TMEM82: variants seen among roughly 807,000 people sequenced by gnomAD.
TMEM82 encodes the protein transmembrane protein 82.
TMEM82 carries 30 observed loss-of-function variants against 29.2 expected under a neutral mutation model. The ratio of observed to expected loss-of-function variants is 1.03; its 90% CI spans 0.77 to 1.39. The LOEUF (loss-of-function observed/expected upper bound fraction) is 1.39, where lower values mean the gene tolerates loss of function less well. Ranked by LOEUF, TMEM82 falls within the 40% of genes most tolerant of loss-of-function variation. The pLI, the probability that TMEM82 is intolerant of heterozygous loss-of-function variation, is 0.00. For missense variants in TMEM82, 442 were observed against 447.7 expected (o/e 0.99, Z 0.12); for synonymous variants, 221 against 225.4 (o/e 0.98, Z 0.18).
Position 15,747,629 on chromosome 1 carries a change from T to G in TMEM82, c.1029T>G (p.Ser343=). ...SAPQSQSSAP[S] ...CCCAGTCCCAGAGTTCGGCCCCCTC[T>G]TGACCTGCCTCAGGGAGGATCTGGA... Residue 343 remains serine (S), a synonymous_variant, in exon 6 of 6, where the codon TCT becomes TCG. Coordinates refer to ENST00000375782, the MANE Select transcript of TMEM82 (RefSeq NM_001013641.3). The G allele has an allele frequency of 6.2e-7, 1 of 1,613,866 alleles. No individual in the cohort carries two copies. Among genetic ancestry groups the G allele is most frequent in the Non-Finnish European group, 8.5e-7 (1 of 1,179,830 alleles).
chr1:15,742,991 C>A, intron 2 of TMEM82, 29 bp from the exon 3 acceptor site: 2 of 1,601,532 alleles, frequency 1.2e-6, no homozygotes, highest in Non-Finnish European at 1.7e-6. Flanking sequence ...AGTTCTGCAC[C>A]CCTGCCCACA....
At chr1:15,746,815 G>T (rs1165167191) in intron 4 of TMEM82, 52 bp from the exon 5 acceptor site, 3 of 1,483,930 alleles carry the variant, frequency 2.0e-6, no homozygotes, top group African/African-American at 2.8e-5. Flanking sequence ...GGAGCAGGGA[G>T]GTCCAGTCCG....
rs536993039 is a variant in TMEM82, at chr1:15,744,222, C to A, written c.399C>A (p.Cys133Ter). 1.1e-5 allele frequency: 17 copies of A among 1,590,292 alleles called. No individual in the cohort carries two copies. The South Asian group carries it at 1.8e-4, about 17-fold the overall frequency. Reference sequence around the variant, plus strand: ...TGCTGTGCCAGTACTCGCTGGGCTGCGGGCTGACCTGTGGCCTGAGCTTCC... The same window carrying A: ...TGCTGTGCCAGTACTCGCTGGGCTGAGGGCTGACCTGTGGCCTGAGCTTCC... The part of the protein sequence containing the change: ...LYLLCQYSLG[C>*]GLTCGLSFLQ... Residue 133 changes from cysteine (C) to a stop codon, truncating the protein, a stop_gained, in exon 4 of 6, where the codon TGC becomes TGA. Transcript: ENST00000375782. LOFTEE classifies it high-confidence loss of function. This position sits in a 1 kb window ranked among gnomAD's most constrained non-coding sequence, Gnocchi z 5.2.
At position 15,746,841 on chromosome 1, in the gene TMEM82, C is replaced by T. The variant is rs372937876; in HGVS notation, c.758-26C>T. ...GTCCAGTCCGGGGTGTGTGGTCGGA[C>T]GGTGACAGGCACCCGCATCCCACAG... On this transcript the variant is annotated intron_variant, in intron 4 of 5. Coordinates refer to ENST00000375782, the MANE Select transcript of TMEM82 (RefSeq NM_001013641.3). The T allele has an allele frequency of 4.6e-5, 70 of 1,537,188 alleles. 1 individual carries two copies. The East Asian group carries it at 1.3e-3, about 29-fold the overall frequency.
At position 15,746,872 on chromosome 1, in the gene TMEM82, C is replaced by T; in HGVS notation, c.763C>T (p.Gln255Ter). The change falls in exon 5 of 6, where the codon CAG (glutamine) becomes TAG (stop). Residue 255 changes from glutamine to a stop codon, truncating the protein, a stop_gained. Coordinates refer to ENST00000375782, the MANE Select transcript of TMEM82 (RefSeq NM_001013641.3). LOFTEE classifies it high-confidence loss of function. ...TLLVIYMQEE[Q>*]RQHPGLQSQV... ...CAGGCACCCGCATCCCACAGAGGAG[C>T]AGCGGCAGCACCCCGGCCTGCAGAG... 2 of 1,577,306 alleles carry T rather than the reference C, an allele frequency of 1.3e-6. No individual in the cohort carries two copies. The highest frequency in any genetic ancestry group is 1.7e-6 in the Non-Finnish European group (2 of 1,167,598).
In TMEM82 at chr1:15,744,273, G is replaced by T; in HGVS notation, c.450G>T (p.Thr150=). Residue 150 remains threonine, a synonymous_variant, in exon 4 of 6, where the codon ACG becomes ACT. Coordinates refer to ENST00000375782, the MANE Select transcript of TMEM82 (RefSeq NM_001013641.3). The surrounding 1 kb of genome is among the most constrained non-coding windows in gnomAD (Gnocchi z 5.2). Reference sequence around the variant, plus strand: ...TGCAGGAGGGCGCCCCTCACCGCACGCTGAACCTGCTGCTGAGCCTCGGGC... The same window carrying T: ...TGCAGGAGGGCGCCCCTCACCGCACTCTGAACCTGCTGCTGAGCCTCGGGC... ...SFLQEGAPHR[T]LNLLLSLGLA... The T allele has an allele frequency of 6.4e-7, 1 of 1,558,882 alleles. No individual in the cohort carries two copies.
rs749458081 is a variant in TMEM82 at position 15,744,499 on chromosome 1, G to A, written c.676G>A (p.Asp226Asn). The stretch of plus-strand genomic sequence containing the variant: ...GGCAGCTGTGGCCCTCATCAACCAG[G>A]ACTTCCTGACCACCTCGGAGGCCAT... ...DLAAVALINQ[D>N]FLTTSEAMRF... is the part of the protein sequence containing the mutation. Residue 226 changes from aspartate to asparagine, a missense_variant, in exon 4 of 6, where the codon GAC becomes AAC. Coordinates refer to ENST00000375782, the MANE Select transcript of TMEM82 (RefSeq NM_001013641.3). The surrounding 1 kb of genome is among the most constrained non-coding windows in gnomAD (Gnocchi z 5.2). 3.1e-6 allele frequency: 5 copies of A among 1,612,430 alleles called. No homozygotes were observed. Among genetic ancestry groups the A allele is most frequent in the Non-Finnish European group, 3.4e-6 (4 of 1,179,854 alleles).
rs758364659 is a variant in TMEM82 at position 15,747,636 on chromosome 1, G to A, written c.*4G>A. The A allele has an allele frequency of 9.9e-6, 16 of 1,613,108 alleles. No homozygotes were observed. In the East Asian group the frequency reaches 2.7e-4, roughly 27 times the overall value. ...CCAGAGTTCGGCCCCCTCTTGACCT[G>A]CCTCAGGGAGGATCTGGAGTCTGTC... On this transcript the variant is annotated 3_prime_UTR_variant, in exon 6 of 6. Transcript: ENST00000375782.
In TMEM82 at chr1:15,747,664, A is replaced by C; in HGVS notation, c.*32A>C. ...TCAGGGAGGATCTGGAGTCTGTCTC[A>C]AGCCCACTAGCCTGATCTCCGAGGC... On this transcript the variant is annotated 3_prime_UTR_variant, in exon 6 of 6. Transcript: ENST00000375782. 1.9e-6 allele frequency: 3 copies of C among 1,591,396 alleles called. No homozygotes were observed. Among genetic ancestry groups the C allele is most frequent in the Non-Finnish European group, 2.6e-6 (3 of 1,160,322 alleles).
At chr1:15,743,681 T>C (rs999908106) in intron 3 of TMEM82, among the ~76,000 whole-genome samples, 1 of 152,112 alleles carries the variant, frequency 6.6e-6, no homozygotes, top group Non-Finnish European at 1.5e-5. Context: ...AGGCTGGGCG[T>C]GGTGGCTCAC....
At chr1:15,745,537 G>GAGAGAGAA (rs777304796) in intron 4 of TMEM82, among the ~76,000 whole-genome samples, 8 of 145,418 alleles carry the variant, frequency 5.5e-5, no homozygotes, top group East Asian at 4.0e-4. Context: ...GAGAGAAAGA[G>GAGAGAGAA]AGAGAGAAAG....
At position 15,744,559 on chromosome 1, in the gene TMEM82, CT is replaced by C; in HGVS notation, c.737del (p.Leu246ArgfsTer35). On this transcript the variant is annotated frameshift_variant, in exon 4 of 6. Coordinates refer to ENST00000375782, the MANE Select transcript of TMEM82 (RefSeq NM_001013641.3). LOFTEE classifies it high-confidence loss of function. The surrounding 1 kb of genome is among the most constrained non-coding windows in gnomAD (Gnocchi z 5.2). ...GACACCGCTCACCATCTGCTACACG[CT>C]GCTGGTCATCTACATGCAGGGTGAG... ...FWTPLTICYTLLVIYMQEEQR... is the reference protein window; with the variant it reads ...FWTPLTICYTXLVIYMQEEQR... The C allele has an allele frequency of 6.2e-7, 1 of 1,610,330 alleles. No individual in the cohort carries two copies. Among genetic ancestry groups the C allele is most frequent in the Non-Finnish European group, 8.5e-7 (1 of 1,178,474 alleles).
chr1:15,743,146 G>A lies in TMEM82; in HGVS notation c.288G>A (p.Val96=). ...GGTCCCGGGTGGCTGCCCTCGTGGTGCTCGAGTTCTCCCTCCGGGCCGTGT... is the reference window on the plus strand; with the variant it reads ...GGTCCCGGGTGGCTGCCCTCGTGGTACTCGAGTTCTCCCTCCGGGCCGTGT... The part of the protein sequence containing the change: ...VVGSRVAALV[V]LEFSLRAVST... The change falls in exon 3 of 6, where the codon GTG becomes GTA. Residue 96 remains valine, a synonymous_variant. Transcript: ENST00000375782. 1 of 1,611,460 alleles carries A rather than the reference G, an allele frequency of 6.2e-7. No homozygotes were observed. Among genetic ancestry groups the A allele is most frequent in the East Asian group, 2.2e-5 (1 of 44,868 alleles).
rs761074645 is a variant in TMEM82, at chr1:15,746,410, CAA to C, written c.758-439_758-438del. 6.8e-3 allele frequency among the ~76,000 whole-genome samples: 437 copies of C among 64,498 alleles called. 1 individual carries two copies. The highest frequency in any genetic ancestry group is 0.023 in the African/African-American group (390 of 17,196). The allele number at this position is 64,498 out of a possible 152,430, so 42.3% of individuals were successfully genotyped here. ...CCTGGGCGACAGAGTAAGACTGTCT[CAA>C]AAAAAAAAAAAAAAAAAGAACAGAA... On this transcript the variant is annotated intron_variant, in intron 4 of 5. Coordinates refer to ENST00000375782, the MANE Select transcript of TMEM82 (RefSeq NM_001013641.3).
chr1:15,747,148 T>G, intron 5 of TMEM82, 94 bp downstream of exon 5: 1 of 1,358,650 alleles, frequency 7.4e-7, no homozygotes, highest in Non-Finnish European at 1.0e-6. Flanking sequence ...AAGAGCCAGC[T>G]GGGCACGGTC....
At position 15,743,120 on chromosome 1, in the gene TMEM82, G is replaced by A. The variant is rs1195368553; in HGVS notation, c.262G>A (p.Gly88Arg). ...AGLALFLTVV[G>R]SRVAALVVLE... ...GCTGGCCCTGTTTCTGACGGTCGTG[G>A]GGTCCCGGGTGGCTGCCCTCGTGGT... Residue 88 changes from glycine (G) to arginine (R), a missense_variant, in exon 3 of 6, where the codon GGG becomes AGG. Gly to Arg is a moderately radical substitution (Grantham distance 125, BLOSUM62 -2). Transcript: ENST00000375782. 1 of 1,612,098 alleles carries A rather than the reference G, an allele frequency of 6.2e-7. No homozygotes were observed. The highest frequency in any genetic ancestry group is 8.5e-7 in the Non-Finnish European group (1 of 1,179,866).
intron 4 of TMEM82, among the ~76,000 whole-genome samples, chr1:15,745,543 GAA>G (rs1491109799): frequency 2.8e-4 from 24 of 85,884 alleles, no homozygotes; most frequent in African/African-American, 1.8e-3. Context: ...AAGAGAGAGA[GAA>G]AGAGAGAAAG....
chr1:15,746,050 G>T (rs1358245102), intron 4 of TMEM82, among the ~76,000 whole-genome samples: 3 of 137,402 alleles, frequency 2.2e-5, no homozygotes, highest in Non-Finnish European at 4.8e-5. Context: ...TTTTGTTGTT[G>T]TTTTGTTTTG....
At chr1:15,742,739 C>A (rs1297428572) in intron 1 of TMEM82, 92 bp downstream of exon 1, 2 of 1,519,228 alleles carry the variant, frequency 1.3e-6, no homozygotes, top group African/African-American at 2.7e-5. Context: ...CTCCCGACAC[C>A]CCTGCCCCTT....
Sources: gnomAD v4.1 joint callset for allele counts (sites outside exome capture counted in the v4.1 genomes callset) on GRCh38, gnomAD v4.1.1 for gene constraint, Gnocchi (gnomAD v3.1) non-coding constraint, MANE v1.5 for transcripts, NCBI Gene and HGNC (gene_info 2026-07-23, HGNC 2026-07-21) for gene names.